The following GCNT2 variants were observed in gnomAD, a reference collection of about 807,000 sequenced individuals.
GCNT2 encodes the protein N-acetyllactosaminide beta-1,6-N-acetylglucosaminyl-transferase.
GCNT2 carries 34 observed loss-of-function variants against 34.2 expected under a neutral mutation model. The observed-to-expected ratio is 1.00, with a 90% confidence interval of 0.76 to 1.32. The LOEUF (loss-of-function observed/expected upper bound fraction) is 1.32, where lower values mean the gene tolerates loss of function less well. Ranked by LOEUF, GCNT2 falls within the 40% of genes most tolerant of loss-of-function variation. GCNT2 has a pLI of 0.00. For missense variants in GCNT2, 584 were observed against 489.4 expected (o/e 1.19, Z -1.82); for synonymous variants, 212 against 188.0 (o/e 1.13, Z -1.04).
At chr6:10,570,617 A>G (rs899653863) in intron 3 of GCNT2, among the ~76,000 whole-genome samples, 2 of 152,180 alleles carry the variant, frequency 1.3e-5, no homozygotes, top group Non-Finnish European at 2.9e-5. Context: ...CAATCTTCAC[A>G]TAACTCTTCC....
At chr6:10,604,282 T>C (rs1329147895) in intron 3 of GCNT2, among the ~76,000 whole-genome samples, 4 of 152,208 alleles carry the variant, frequency 2.6e-5, no homozygotes, top group African/African-American at 9.7e-5. Context: ...TACTTTAATG[T>C]ATTATTTGAA....
At chr6:10,615,575 AG>A (rs984637761) in intron 3 of GCNT2, among the ~76,000 whole-genome samples, 33 of 152,150 alleles carry the variant, frequency 2.2e-4, no homozygotes, top group Non-Finnish European at 3.5e-4. Flanking sequence ...GTTACAGGAA[AG>A]GGATCCCGAT....
chr6:10,550,142 T>C lies in GCNT2; in HGVS notation c.925+20306T>C, dbSNP rs541983788. On this transcript the variant is annotated intron_variant, in intron 3 of 4. Coordinates refer to ENST00000495262, the MANE Select transcript of GCNT2 (RefSeq NM_145649.5). ...AATCTGGGCTCACTGAAACCTCTGC[T>C]TCCCGGGTTCAAGTAATTCTTCTGT... Among the ~76,000 whole-genome samples the C allele has an allele frequency of 2.6e-5, 4 of 152,138 alleles. No homozygotes were observed. The East Asian group carries it at 5.8e-4, about 22-fold the overall frequency.
intron 3 of GCNT2, among the ~76,000 whole-genome samples, chr6:10,583,919 C>G (rs902158672): frequency 1.3e-5 from 2 of 152,122 alleles, no homozygotes; most frequent in Non-Finnish European, 2.9e-5. Flanking sequence ...GGCATGCAAA[C>G]TTAGGTGTGT....
At chr6:10,586,781 T>C in intron 3 of GCNT2, 1 of 1,614,126 alleles carries the variant, frequency 6.2e-7, no homozygotes. Flanking sequence ...ACTTTGGCAC[T>C]GCCTATGTGG....
intron 1 of GCNT2, among the ~76,000 whole-genome samples, chr6:10,524,566 G>A (rs1761098342): frequency 6.6e-6 from 1 of 152,080 alleles, no homozygotes; most frequent in Admixed American, 6.5e-5. Flanking sequence ...ATAGTGATGA[G>A]GATAAAGCAG....
intron 3 of GCNT2, among the ~76,000 whole-genome samples, chr6:10,537,754 A>T (rs1442738638): frequency 1.3e-5 from 2 of 150,586 alleles, no homozygotes. Flanking sequence ...AAGAAAATGC[A>T]TTTAATGTAC....
rs1761364989 is a variant in GCNT2 at position 10,529,410 on chromosome 6, C to T, written c.499C>T (p.Leu167Phe). Residue 167 changes from leucine (L) to phenylalanine (F), a missense_variant, in exon 3 of 5, where the codon CTC (leucine) becomes TTC (phenylalanine). Physicochemically the swap from Leu to Phe is conservative, Grantham distance 22 (BLOSUM62 0). Transcript: ENST00000495262. ...GGTTGTCTATGGGGGGATCTCCAGG[C>T]TCCAGGCTGACCTGAACTGCCTGGA... ...ESVVYGGISR[L>F]QADLNCLEDL... 1.2e-6 allele frequency: 2 copies of T among 1,614,136 alleles called. No homozygotes were observed. The highest frequency in any genetic ancestry group is 1.1e-5 in the South Asian group (1 of 91,080).
At chr6:10,538,658 A>G (rs1209195058) in intron 3 of GCNT2, among the ~76,000 whole-genome samples, 1 of 151,744 alleles carries the variant, frequency 6.6e-6, no homozygotes, top group Non-Finnish European at 1.5e-5. Context: ...TTATAAAAAG[A>G]TTGTAATTTC....
At chr6:10,612,803 T>G (rs1765616616) in intron 3 of GCNT2, among the ~76,000 whole-genome samples, 1 of 152,216 alleles carries the variant, frequency 6.6e-6, no homozygotes, top group Admixed American at 6.5e-5. Flanking sequence ...GTGCTGTCAG[T>G]TATCGTGTGT....
intron 3 of GCNT2, chr6:10,586,260 G>T (rs772296730): frequency 1.9e-6 from 3 of 1,614,198 alleles, no homozygotes; most frequent in Non-Finnish European, 2.5e-6. Context: ...CCTGTCGGAA[G>T]AAGAGGCTGC....
At chr6:10,608,172 G>C (rs1199078073) in intron 3 of GCNT2, among the ~76,000 whole-genome samples, 1 of 151,328 alleles carries the variant, frequency 6.6e-6, no homozygotes, top group African/African-American at 2.4e-5. Context: ...CTGCCTCCCG[G>C]GTTCAAGTGA....
At chr6:10,612,705 G>A (rs748238561) in intron 3 of GCNT2, among the ~76,000 whole-genome samples, 1 of 152,174 alleles carries the variant, frequency 6.6e-6, no homozygotes, top group South Asian at 2.1e-4. Context: ...TTTTAAAGAC[G>A]AGTACACCAT....
intron 3 of GCNT2, among the ~76,000 whole-genome samples, chr6:10,570,242 T>G (rs1233128013): frequency 6.6e-6 from 1 of 152,206 alleles, no homozygotes; most frequent in Non-Finnish European, 1.5e-5. Context: ...GCATGTGGCA[T>G]TCTTTCTTAA....
In GCNT2 at chr6:10,535,846, C is replaced by T. The variant is rs145692184; in HGVS notation, c.925+6010C>T. ...GATACCTGGTGGGTGATTGAGGGCC[C>T]GAAAGACAGACCCTCCCTGCTTCCA... On this transcript the variant is annotated intron_variant, in intron 3 of 4. Coordinates refer to ENST00000495262, the MANE Select transcript of GCNT2 (RefSeq NM_145649.5). Among the ~76,000 whole-genome samples the T allele has an allele frequency of 2.6e-5, 4 of 152,148 alleles. No homozygotes were observed. In the South Asian group the frequency reaches 6.2e-4, roughly 24 times the overall value.
chr6:10,550,251 G>A (rs1044286075), intron 3 of GCNT2, among the ~76,000 whole-genome samples: 3 of 151,888 alleles, frequency 2.0e-5, no homozygotes, highest in Non-Finnish European at 2.9e-5. Flanking sequence ...GTGGGGTTTC[G>A]CCATGTTAGC....
intron 3 of GCNT2, among the ~76,000 whole-genome samples, chr6:10,551,586 C>T (rs1319104700): frequency 2.0e-5 from 3 of 151,328 alleles, no homozygotes; most frequent in East Asian, 1.9e-4. Flanking sequence ...CTGGTACTAC[C>T]GGCGCCCACC....
chr6:10,568,768 C>A (rs1763395843), intron 3 of GCNT2, among the ~76,000 whole-genome samples: 1 of 152,162 alleles, frequency 6.6e-6, no homozygotes, highest in Non-Finnish European at 1.5e-5. Context: ...AGAAAAATTA[C>A]CATGCCTGTA....
intron 3 of GCNT2, among the ~76,000 whole-genome samples, chr6:10,616,508 AG>A (rs1203103764): frequency 1.3e-5 from 2 of 152,202 alleles, no homozygotes; most frequent in African/African-American, 4.8e-5. Context: ...TCCCTGAGCT[AG>A]ACACAAAAGT....
Sources: allele counts gnomAD v4.1 joint callset (sites outside exome capture counted in the v4.1 genomes callset), GRCh38; gene constraint gnomAD v4.1.1; transcripts MANE v1.5; gene names NCBI Gene and HGNC (gene_info 2026-07-23, HGNC 2026-07-21).